The following HDAC9 variants were observed in gnomAD, a reference collection of about 807,000 sequenced individuals.
HDAC9 encodes the protein MEF-2 interacting transcription repressor (MITR) protein.
Under a neutral mutation model 139.4 loss-of-function variants are expected in HDAC9, and 41 were observed. The observed-to-expected ratio is 0.29, with a 90% confidence interval of 0.23 to 0.38. HDAC9 has a LOEUF of 0.38. Ranked by LOEUF, HDAC9 falls within the 10% of genes least tolerant of loss-of-function variation. The pLI, the probability that HDAC9 is intolerant of heterozygous loss-of-function variation, is 1.00. For synonymous variants in HDAC9, 517 were observed against 476.2 expected (o/e 1.09, Z -1.12); for missense variants, 1,147 against 1,297.0 (o/e 0.88, Z 1.78).
intron 24 of HDAC9, among the ~76,000 whole-genome samples, chr7:18,971,297 G>A (rs1056950870): frequency 6.6e-6 from 1 of 152,230 alleles, no homozygotes; most frequent in Non-Finnish European, 1.5e-5. Flanking sequence ...GGATATGACT[G>A]AAGAGGGAGT....
Position 18,868,175 on chromosome 7 carries a change from T to C in HDAC9, c.2685-6303T>C, listed in dbSNP as rs74789401. Among the ~76,000 whole-genome samples the C allele has an allele frequency of 6.0e-3, 915 of 152,286 alleles. 8 individuals are homozygous for C. Among genetic ancestry groups the C allele is most frequent in the African/African-American group, 0.021 (875 of 41,554 alleles). On this transcript the variant is annotated intron_variant, in intron 21 of 25. Coordinates refer to ENST00000686413, the MANE Select transcript of HDAC9 (RefSeq NM_178425.4). ...CAGGTAATCCCTGATTTTCCACTCA[T>C]ATTTAAGAAAGTAGCTAGTACCAGC...
At chr7:18,704,134 T>A (rs1200919444) in intron 12 of HDAC9, among the ~76,000 whole-genome samples, 2 of 152,234 alleles carry the variant, frequency 1.3e-5, no homozygotes, top group Non-Finnish European at 2.9e-5. Context: ...GTTCTTGGTA[T>A]AATCAGGACC....
intron 12 of HDAC9, among the ~76,000 whole-genome samples, chr7:18,710,105 A>G (rs1230562541): frequency 6.6e-6 from 1 of 152,216 alleles, no homozygotes; most frequent in African/African-American, 2.4e-5. Flanking sequence ...CAGGCAAAAG[A>G]GCATGTGCAG....
chr7:18,106,124 G>T (rs1008426982), intron 1 of HDAC9, among the ~76,000 whole-genome samples: 2 of 152,136 alleles, frequency 1.3e-5, no homozygotes, highest in Non-Finnish European at 2.9e-5. Flanking sequence ...AAATTTTCTG[G>T]AATTAGATGG....
chr7:18,993,821 G>C (rs945194422), intron 25 of HDAC9, among the ~76,000 whole-genome samples: 1 of 152,058 alleles, frequency 6.6e-6, no homozygotes, highest in African/African-American at 2.4e-5. Context: ...ATAAATAAAT[G>C]AAAGAGCGAG....
intron 1 of HDAC9, among the ~76,000 whole-genome samples, chr7:18,334,749 G>A (rs192813386): frequency 5.6e-4 from 85 of 151,620 alleles, no homozygotes; most frequent in Non-Finnish European, 8.9e-4. Flanking sequence ...TATATGAAGA[G>A]GGTGGAGGAG....
chr7:18,134,661 T>A (rs562574413), intron 1 of HDAC9, among the ~76,000 whole-genome samples: 234 of 152,276 alleles, frequency 1.5e-3, no homozygotes, highest in Non-Finnish European at 2.7e-3. Context: ...TAAATCAGCT[T>A]TCTGTTTCTA....
chr7:18,546,556 C>A (rs1330801045), intron 2 of HDAC9, among the ~76,000 whole-genome samples: 5 of 152,132 alleles, frequency 3.3e-5, no homozygotes, highest in African/African-American at 1.2e-4. Flanking sequence ...CCTTCTCATT[C>A]TCTTAGTCTT....
At chr7:18,688,317 C>CA (rs533950758) in intron 12 of HDAC9, among the ~76,000 whole-genome samples, 1 of 151,706 alleles carries the variant, frequency 6.6e-6, no homozygotes, top group Non-Finnish European at 1.5e-5. Flanking sequence ...TGACTGCTGA[C>CA]ACCGGGAATG....
chr7:18,152,754 A>G (rs1020951191), intron 1 of HDAC9, among the ~76,000 whole-genome samples: 8 of 152,242 alleles, frequency 5.3e-5, no homozygotes, highest in African/African-American at 1.9e-4. Context: ...TGTGCAAAAT[A>G]TAGCCCACAA....
intron 1 of HDAC9, among the ~76,000 whole-genome samples, chr7:18,096,325 T>G (rs965970643): frequency 3.3e-5 from 5 of 152,236 alleles, no homozygotes; most frequent in African/African-American, 1.2e-4. Flanking sequence ...AGACTTTATT[T>G]GTTTAGCAAC....
intron 1 of HDAC9, among the ~76,000 whole-genome samples, chr7:18,090,933 T>A (rs1200371980): frequency 6.6e-6 from 1 of 152,170 alleles, no homozygotes; most frequent in Non-Finnish European, 1.5e-5. Flanking sequence ...CCCACTAGAA[T>A]TTTTTTAGGA....
intron 2 of HDAC9, among the ~76,000 whole-genome samples, chr7:18,245,410 C>T (rs1038189782): frequency 2.6e-5 from 4 of 152,120 alleles, no homozygotes; most frequent in Non-Finnish European, 5.9e-5. Context: ...ACACTGAGAC[C>T]TCCTCTTCTC....
chr7:18,680,657 A>G (rs150698400), intron 12 of HDAC9, among the ~76,000 whole-genome samples: 2 of 152,158 alleles, frequency 1.3e-5, no homozygotes, highest in Admixed American at 6.6e-5. Context: ...CTTGACTAGT[A>G]TAAAAGATTT....
intron 25 of HDAC9, among the ~76,000 whole-genome samples, chr7:18,981,947 G>C (rs1453063608): frequency 6.7e-6 from 1 of 149,832 alleles, no homozygotes; most frequent in East Asian, 2.0e-4. Flanking sequence ...CCTGCAAAAT[G>C]AAAAAAAAAG....
chr7:18,481,807 C>T (rs780080227), intron 1 of HDAC9, among the ~76,000 whole-genome samples: 8 of 152,118 alleles, frequency 5.3e-5, no homozygotes, highest in Non-Finnish European at 8.8e-5. Flanking sequence ...GAGCTAAGTC[C>T]AGGCTAGATT....
chr7:18,131,861 T>C (rs1386551515), intron 1 of HDAC9, among the ~76,000 whole-genome samples: 2 of 152,088 alleles, frequency 1.3e-5, no homozygotes, highest in African/African-American at 4.8e-5. Flanking sequence ...ATTTAAGAAT[T>C]ATGGTTGGAA....
intron 14 of HDAC9, among the ~76,000 whole-genome samples, chr7:18,758,522 C>G (rs1359874171): frequency 6.6e-6 from 1 of 152,082 alleles, no homozygotes; most frequent in Non-Finnish European, 1.5e-5. Context: ...AAATAAAATA[C>G]TAAATTACTG....
chr7:18,247,835 TTC>T (rs1158166973), intron 2 of HDAC9, among the ~76,000 whole-genome samples: 2 of 152,190 alleles, frequency 1.3e-5, no homozygotes, highest in African/African-American at 4.8e-5. Flanking sequence ...TGAGAGAAGA[TTC>T]TCTTTCTGGA....
Sources: gnomAD v4.1 joint callset for allele counts (sites outside exome capture counted in the v4.1 genomes callset) on GRCh38, gnomAD v4.1.1 for gene constraint, MANE v1.5 for transcripts, NCBI Gene and HGNC (gene_info 2026-07-23, HGNC 2026-07-21) for gene names.